Variants in PACRG observed in about 807,000 individuals in gnomAD.
PACRG encodes parkin coregulated gene protein.
Under a neutral mutation model 29.7 loss-of-function variants are expected in PACRG, and 29 were observed. The ratio of observed to expected loss-of-function variants is 0.98; its 90% CI spans 0.73 to 1.33. The LOEUF is 1.33. Among genes scored for constraint, PACRG ranks in the 40% most tolerant of loss-of-function variants. PACRG has a pLI of 0.00. For synonymous variants in PACRG, 116 were observed against 118.7 expected, an observed-to-expected ratio of 0.98 and a Z score of 0.15; for missense variants, 279 against 316.2, an observed-to-expected ratio of 0.88 and a Z score of 0.89.
chr6:163,256,672 G>A (rs912673874), intron 4 of PACRG, among the ~76,000 whole-genome samples: 1 of 152,224 alleles, frequency 6.6e-6, no homozygotes, highest in Non-Finnish European at 1.5e-5. Flanking sequence ...CAGTGCCCGA[G>A]TGAAGGCAAG....
intron 2 of PACRG, among the ~76,000 whole-genome samples, chr6:162,885,247 T>TC (rs908843152): frequency 1.1e-4 from 16 of 151,548 alleles, no homozygotes; most frequent in Non-Finnish European, 1.5e-4. Context: ...TTTTTTTTTT[T>TC]TCTGGGAGCT....
chr6:162,794,815 A>AG (rs1043245758), intron 1 of PACRG, among the ~76,000 whole-genome samples: 2 of 152,226 alleles, frequency 1.3e-5, no homozygotes, highest in African/African-American at 4.8e-5. Context: ...AACAAAACAA[A>AG]CAATGATTCC....
chr6:163,062,439 C>T (rs1811173666), intron 3 of PACRG, 118 bp downstream of exon 3: 1 of 1,205,700 alleles, frequency 8.3e-7, no homozygotes, highest in Non-Finnish European at 1.1e-6. Flanking sequence ...CAGGAATTTT[C>T]ATAAATTGAC....
intron 4 of PACRG, among the ~76,000 whole-genome samples, chr6:163,142,104 A>C (rs1019575662): frequency 6.6e-6 from 1 of 152,174 alleles, no homozygotes. Context: ...TGAATTTATA[A>C]TTCATAAGCT....
chr6:162,792,834 A>G (rs1562602029), intron 1 of PACRG, among the ~76,000 whole-genome samples: 1 of 152,198 alleles, frequency 6.6e-6, no homozygotes. Context: ...ATGAGGTGGC[A>G]GAGATGATTT....
rs538686927 is a variant in PACRG at position 163,236,577 on chromosome 6, G to A, written c.614-78250G>A. Among the ~76,000 whole-genome samples the A allele has an allele frequency of 7.5e-4, 114 of 152,212 alleles. No homozygotes were observed. The South Asian group carries it at 0.011, about 14-fold the overall frequency. Reference sequence around the variant, plus strand: ...ATGACTGTGTTACACAAGATTCCGGGTCTTTTCCTACCCTCGGGTGAATAA... The same window carrying A: ...ATGACTGTGTTACACAAGATTCCGGATCTTTTCCTACCCTCGGGTGAATAA... On this transcript the variant is annotated intron_variant, in intron 4 of 4. Coordinates refer to ENST00000366888, the MANE Select transcript of PACRG (RefSeq NM_001080379.2).
chr6:162,803,135 C>T (rs1786021557), intron 1 of PACRG, among the ~76,000 whole-genome samples: 1 of 152,132 alleles, frequency 6.6e-6, no homozygotes, highest in Non-Finnish European at 1.5e-5. Context: ...TCAAACCCCA[C>T]TTCACAGTAG....
intron 2 of PACRG, among the ~76,000 whole-genome samples, chr6:163,039,226 C>G (rs1808476502): frequency 6.6e-6 from 1 of 152,160 alleles, no homozygotes; most frequent in Admixed American, 6.5e-5. Flanking sequence ...GCCTTGCTCC[C>G]CCTTCAGCTT....
intron 1 of PACRG, among the ~76,000 whole-genome samples, chr6:162,788,423 C>T (rs1272740109): frequency 1.3e-5 from 2 of 152,190 alleles, no homozygotes; most frequent in Non-Finnish European, 2.9e-5. Context: ...CACTGAAGGA[C>T]ATCTTGGTTC....
chr6:163,118,514 C>G (rs2128323445), intron 4 of PACRG, among the ~76,000 whole-genome samples: 1 of 152,286 alleles, frequency 6.6e-6, no homozygotes, highest in African/African-American at 2.4e-5. Context: ...ATTTATAGAT[C>G]CCCGTTTCTG....
chr6:162,985,961 T>G (rs1432253057), intron 2 of PACRG, among the ~76,000 whole-genome samples: 1 of 116,038 alleles, frequency 8.6e-6, no homozygotes, highest in African/African-American at 3.1e-5. Context: ...TCACAATAGC[T>G]GCAAAAATAA....
At chr6:163,166,565 C>T (rs1384459100) in intron 4 of PACRG, among the ~76,000 whole-genome samples, 3 of 152,200 alleles carry the variant, frequency 2.0e-5, no homozygotes, top group Non-Finnish European at 4.4e-5. Context: ...TAATGGATCC[C>T]ACTTAATAGT....
chr6:163,200,487 C>T (rs532429419), intron 4 of PACRG, among the ~76,000 whole-genome samples: 7 of 152,190 alleles, frequency 4.6e-5, no homozygotes, highest in South Asian at 2.1e-4. Flanking sequence ...AGGGTATGAA[C>T]GTGGGCACGT....
chr6:162,800,975 T>C (rs1397801606), intron 1 of PACRG, among the ~76,000 whole-genome samples: 2 of 152,148 alleles, frequency 1.3e-5, no homozygotes, highest in East Asian at 3.9e-4. Flanking sequence ...TTCCTCCACG[T>C]GCGCTGAGCC....
At chr6:162,836,467 T>C (rs182405540) in intron 2 of PACRG, among the ~76,000 whole-genome samples, 320 of 152,206 alleles carry the variant, frequency 2.1e-3, no homozygotes, top group African/African-American at 7.3e-3. Flanking sequence ...TCTTTCCTCT[T>C]CTGCCTTCCA....
chr6:162,986,498 G>A (rs1298775722), intron 2 of PACRG, among the ~76,000 whole-genome samples: 2 of 152,104 alleles, frequency 1.3e-5, no homozygotes, highest in Non-Finnish European at 2.9e-5. Context: ...TGGGAATATT[G>A]GCAAGCCACA....
At chr6:163,106,598 C>T (rs1815394974) in intron 4 of PACRG, among the ~76,000 whole-genome samples, 1 of 152,074 alleles carries the variant, frequency 6.6e-6, no homozygotes, top group South Asian at 2.1e-4. Context: ...ATAACATGAG[C>T]AATAATCAAG....
chr6:163,065,874 G>A (rs1266267007), intron 3 of PACRG, among the ~76,000 whole-genome samples: 4 of 152,192 alleles, frequency 2.6e-5, no homozygotes, highest in Non-Finnish European at 4.4e-5. Flanking sequence ...TAAATGCAAC[G>A]TTAAGGCGCT....
At chr6:162,932,502 C>A (rs1286331979) in intron 2 of PACRG, among the ~76,000 whole-genome samples, 5 of 151,960 alleles carry the variant, frequency 3.3e-5, no homozygotes, top group Non-Finnish European at 7.4e-5. Flanking sequence ...AGCAGTGAAG[C>A]AACTGGGTCC....
Sources: gnomAD v4.1 joint callset for allele counts (sites outside exome capture counted in the v4.1 genomes callset) on GRCh38, gnomAD v4.1.1 for gene constraint, MANE v1.5 for transcripts, NCBI Gene and HGNC (gene_info 2026-07-23, HGNC 2026-07-21) for gene names.